HIVEP3: variants seen among roughly 807,000 people sequenced by gnomAD.
HIVEP3 encodes the protein transcription factor HIVEP3.
HIVEP3 carries 49 observed loss-of-function variants against 152.8 expected under a neutral mutation model. The ratio of observed to expected loss-of-function variants is 0.32; its 90% CI spans 0.26 to 0.41. The LOEUF (loss-of-function observed/expected upper bound fraction) is 0.41, where lower values mean the gene tolerates loss of function less well. HIVEP3 is among the 10% of genes least tolerant of loss of function. HIVEP3 has a pLI of 1.00. For missense variants in HIVEP3, 2,790 were observed against 3,103.3 expected (o/e 0.90, Z 2.40); for synonymous variants, 1,269 against 1,289.0 (o/e 0.98, Z 0.33).
chr1:41,659,973 T>C (rs1645687761), intron 2 of HIVEP3, among the ~76,000 whole-genome samples: 1 of 152,154 alleles, frequency 6.6e-6, no homozygotes, highest in African/African-American at 2.4e-5. Context: ...AGAGTGTGCG[T>C]AGGAGCAGAT....
chr1:41,526,729 A>ATG (rs1642949302), intron 5 of HIVEP3, among the ~76,000 whole-genome samples: 1 of 82,120 alleles, frequency 1.2e-5, no homozygotes, highest in Non-Finnish European at 2.4e-5. Flanking sequence ...ACCCTCACAC[A>ATG]CTCACCCTAA....
At chr1:41,893,528 A>G (rs1185062584) in intron 1 of HIVEP3, among the ~76,000 whole-genome samples, 1 of 149,392 alleles carries the variant, frequency 6.7e-6, no homozygotes, top group Non-Finnish European at 1.5e-5. Context: ...AATGCCCAGG[A>G]CAGCTCTCAC....
chr1:41,952,460 G>A (rs1645114141), intron 1 of HIVEP3, among the ~76,000 whole-genome samples: 1 of 142,646 alleles, frequency 7.0e-6, no homozygotes, highest in African/African-American at 2.6e-5. Context: ...ATTGTGAAGT[G>A]TGTAGTGCCT....
At chr1:41,522,109 G>C (rs1203724644) in intron 6 of HIVEP3, among the ~76,000 whole-genome samples, 1 of 152,230 alleles carries the variant, frequency 6.6e-6, no homozygotes, top group Non-Finnish European at 1.5e-5. Context: ...GGGTGGTAGG[G>C]TCGGGAGGGC....
At chr1:41,914,026 C>G (rs533523788) in intron 1 of HIVEP3, among the ~76,000 whole-genome samples, 2 of 152,256 alleles carry the variant, frequency 1.3e-5, no homozygotes, top group Admixed American at 6.5e-5. Flanking sequence ...TCAGATCACC[C>G]CTACTTCATA....
At chr1:41,538,606 G>A (rs1250221694) in intron 5 of HIVEP3, among the ~76,000 whole-genome samples, 6 of 152,106 alleles carry the variant, frequency 3.9e-5, no homozygotes, top group Admixed American at 6.5e-5. Flanking sequence ...AATAGCAAAC[G>A]CCTTTATTCT....
At chr1:42,001,395 T>C (rs1054409625) in intron 1 of HIVEP3, among the ~76,000 whole-genome samples, 20 of 152,182 alleles carry the variant, frequency 1.3e-4, no homozygotes, top group Admixed American at 5.9e-4. Context: ...ATCCTCTCCT[T>C]TTCCACAGAT....
chr1:41,532,365 G>A (rs184030860), intron 5 of HIVEP3, among the ~76,000 whole-genome samples: 14 of 152,182 alleles, frequency 9.2e-5, no homozygotes, highest in African/African-American at 2.9e-4. Flanking sequence ...GGCACCCCCC[G>A]GAGCAACGGC....
chr1:41,575,658 C>T lies in HIVEP3; in HGVS notation c.5093G>A (p.Gly1698Asp). 2 of 1,614,114 alleles carry T rather than the reference C, an allele frequency of 1.2e-6. No homozygotes were observed. Among genetic ancestry groups the T allele is most frequent in the Non-Finnish European group, 1.7e-6 (2 of 1,180,002 alleles). Residue 1698 changes from glycine (G) to aspartate (D), a missense_variant, in exon 5 of 9, where the codon GGC becomes GAC. Gly to Asp is a moderately conservative substitution (Grantham distance 94). This residue lies in a region of HIVEP3 where 1,078 missense variants were observed against 1,165.3 expected (regional missense o/e 0.93). Transcript: ENST00000372583. ...CTCCACTCTAGCTAGATCTTTCTGGCCTTCCGGGGAAACCAGTGAAGGGAG... is the reference window on the plus strand; with the variant it reads ...CTCCACTCTAGCTAGATCTTTCTGGTCTTCCGGGGAAACCAGTGAAGGGAG... ...VHLPSLVSPE[G>D]QKDLARVEKE...
chr1:41,582,371 A>G lies in HIVEP3; in HGVS notation c.2427T>C (p.Ser809=). 1 of 1,614,206 alleles carries G rather than the reference A, an allele frequency of 6.2e-7. No homozygotes were observed. Among genetic ancestry groups the G allele is most frequent in the Non-Finnish European group, 8.5e-7 (1 of 1,180,012 alleles). ...VIQHTSSFEK[S]DSLEQPSGLE... The stretch of plus-strand genomic sequence containing the variant: ...AGCCACTCGGCTGCTCGAGAGAATC[A>G]GATTTCTCAAAGGAGCTGGTGTGCT... The change falls in exon 4 of 9, where the codon TCT becomes TCC. Residue 809 remains serine, a synonymous_variant. Transcript: ENST00000372583. The surrounding 1 kb of genome is among the most constrained non-coding windows in gnomAD (Gnocchi z 4.7).
chr1:41,660,724 A>T (rs1035706144), intron 2 of HIVEP3, among the ~76,000 whole-genome samples: 1 of 152,238 alleles, frequency 6.6e-6, no homozygotes, highest in East Asian at 1.9e-4. Flanking sequence ...TAGAAAAAAA[A>T]TGCTGGGTTG....
chr1:41,856,384 A>T (rs1643766167), intron 1 of HIVEP3, among the ~76,000 whole-genome samples: 1 of 152,066 alleles, frequency 6.6e-6, no homozygotes, highest in African/African-American at 2.4e-5. Context: ...GCTCAAGGTG[A>T]CCCCGTTGCC....
At chr1:41,714,750 T>C (rs1347261311) in intron 1 of HIVEP3, among the ~76,000 whole-genome samples, 1 of 152,210 alleles carries the variant, frequency 6.6e-6, no homozygotes. Flanking sequence ...TTGCTGAAGC[T>C]GAAAAAATTA....
chr1:41,869,319 T>C (rs908409223), intron 1 of HIVEP3, among the ~76,000 whole-genome samples: 1 of 152,182 alleles, frequency 6.6e-6, no homozygotes, highest in Non-Finnish European at 1.5e-5. Flanking sequence ...GCCCTGGATA[T>C]CAACTGCCCT....
intron 1 of HIVEP3, among the ~76,000 whole-genome samples, chr1:41,961,903 C>T (rs1458631204): frequency 6.6e-6 from 1 of 152,236 alleles, no homozygotes; most frequent in Non-Finnish European, 1.5e-5. Flanking sequence ...ATACATAAGA[C>T]AAATGACTTC....
chr1:41,724,605 C>G (rs1313155484), intron 1 of HIVEP3, among the ~76,000 whole-genome samples: 1 of 152,186 alleles, frequency 6.6e-6, no homozygotes, highest in Non-Finnish European at 1.5e-5. Flanking sequence ...CTGGAGGCTT[C>G]CAACTCTGAG....
At chr1:41,799,832 A>G (rs780977882) in intron 1 of HIVEP3, among the ~76,000 whole-genome samples, 1 of 151,874 alleles carries the variant, frequency 6.6e-6, no homozygotes, top group South Asian at 2.1e-4. Flanking sequence ...GTCTCTTTTC[A>G]TAGGGGGAAT....
In HIVEP3 at chr1:41,677,575, T is replaced by C. The variant is rs555180343; in HGVS notation, c.-721+23341A>G. Among the ~76,000 whole-genome samples the C allele has an allele frequency of 2.0e-5, 3 of 152,360 alleles. No individual in the cohort carries two copies. In the East Asian group the frequency reaches 5.8e-4, roughly 29 times the overall value. ...ATGTTCTTGGCTAGGAGAACTTTAA[T>C]ACGTGTTAGTTGAGCCTGTGAAGTC... On this transcript the variant is annotated intron_variant, in intron 2 of 8. Coordinates refer to ENST00000372583, the MANE Select transcript of HIVEP3 (RefSeq NM_024503.5).
chr1:41,867,098 T>A (rs1477157891), intron 1 of HIVEP3, among the ~76,000 whole-genome samples: 6 of 152,106 alleles, frequency 3.9e-5, no homozygotes, highest in Non-Finnish European at 1.5e-5. Context: ...AAGCTTCCAG[T>A]GGCTATTGGG....
Sources: allele counts gnomAD v4.1 joint callset (sites outside exome capture counted in the v4.1 genomes callset), GRCh38; gene constraint gnomAD v4.1.1; regional missense constraint gnomAD v4.1.1; non-coding constraint Gnocchi (gnomAD v3.1); transcripts MANE v1.5; gene names NCBI Gene and HGNC (gene_info 2026-07-23, HGNC 2026-07-21).